GHR: variants seen among roughly 807,000 people sequenced by gnomAD.
The protein encoded by GHR is growth hormone receptor, also known as GH receptor.
Under a neutral mutation model 67.1 loss-of-function variants are expected in GHR, and 35 were observed. The ratio of observed to expected loss-of-function variants is 0.52; its 90% CI spans 0.40 to 0.69. The LOEUF (loss-of-function observed/expected upper bound fraction) is 0.69, where lower values mean the gene tolerates loss of function less well. Ranked by LOEUF, GHR falls within the 30% of genes least tolerant of loss-of-function variation. The probability of loss-of-function intolerance (pLI) is 0.00; values close to 1 mark genes in which losing one functional copy is unlikely to be tolerated. For synonymous variants in GHR, 272 were observed against 269.1 expected (o/e 1.01, Z -0.10); for missense variants, 792 against 764.6 (o/e 1.04, Z -0.42).
chr5:42,516,318 A>G (rs537053977), intron 1 of GHR, among the ~76,000 whole-genome samples: 3 of 152,334 alleles, frequency 2.0e-5, no homozygotes, highest in East Asian at 3.9e-4. Context: ...CTACTTGCCT[A>G]CTTAAACCAC....
chr5:42,445,115 G>C (rs1018990883), intron 1 of GHR, among the ~76,000 whole-genome samples: 17 of 152,208 alleles, frequency 1.1e-4, no homozygotes, highest in African/African-American at 4.1e-4. Context: ...TCATCGAAGA[G>C]CTATACATTG....
intron 3 of GHR, chr5:42,646,408 C>G: frequency 2.2e-6 from 1 of 450,314 alleles, no homozygotes; most frequent in Non-Finnish European, 4.5e-6. Context: ...GGCATGAAAA[C>G]TAATACGGGT....
intron 7 of GHR, among the ~76,000 whole-genome samples, chr5:42,711,912 C>G (rs1421335488): frequency 6.6e-6 from 1 of 151,984 alleles, no homozygotes; most frequent in Non-Finnish European, 1.5e-5. Context: ...GGCAGTCATA[C>G]TTAAAGGAGA....
intron 3 of GHR, among the ~76,000 whole-genome samples, chr5:42,632,926 A>T (rs926495795): frequency 2.0e-5 from 3 of 152,216 alleles, no homozygotes; most frequent in Non-Finnish European, 4.4e-5. Flanking sequence ...TCTCCTAGAG[A>T]AAAGCAAAAC....
chr5:42,673,893 C>T (rs1183941106), intron 3 of GHR, among the ~76,000 whole-genome samples: 1 of 152,104 alleles, frequency 6.6e-6, no homozygotes, highest in Non-Finnish European at 1.5e-5. Flanking sequence ...AGGTAACAAA[C>T]CTGCACATTT....
chr5:42,448,562 T>G (rs1743913189), intron 1 of GHR, among the ~76,000 whole-genome samples: 1 of 135,660 alleles, frequency 7.4e-6, no homozygotes, highest in Admixed American at 7.8e-5. Flanking sequence ...AATCGGTGGG[T>G]TATCTGTTTA....
chr5:42,585,536 A>G (rs1751430765), intron 2 of GHR, among the ~76,000 whole-genome samples: 1 of 152,276 alleles, frequency 6.6e-6, no homozygotes, highest in African/African-American at 2.4e-5. Flanking sequence ...TTCTTTCTGC[A>G]GCTAAGCACT....
Position 42,474,329 on chromosome 5 carries a change from G to GAAAGAAAGAAAAGAAAT in GHR, c.-12+50386_-12+50402dup, listed in dbSNP as rs1561325676. 2.3e-4 allele frequency among the ~76,000 whole-genome samples: 34 copies of GAAAGAAAGAAAAGAAAT among 146,500 alleles called. 2 individuals are homozygous for GAAAGAAAGAAAAGAAAT. Among genetic ancestry groups the GAAAGAAAGAAAAGAAAT allele is most frequent in the African/African-American group, 9.0e-4 (34 of 37,606 alleles). On this transcript the variant is annotated intron_variant, in intron 1 of 9. Coordinates refer to ENST00000230882, the MANE Select transcript of GHR (RefSeq NM_000163.5). ...AGAAAGAAAGAAAGAAAGAAAGAAA[G>GAAAGAAAGAAAAGAAAT]AAAGAAAGAAAAGAAATAAAGAAAG...
intron 2 of GHR, among the ~76,000 whole-genome samples, chr5:42,592,565 C>T (rs1334644886): frequency 1.3e-5 from 2 of 152,216 alleles, no homozygotes; most frequent in African/African-American, 4.8e-5. Flanking sequence ...TGGCTTCCAG[C>T]ACTATCCATG....
At chr5:42,495,739 A>G (rs1395461619) in intron 1 of GHR, among the ~76,000 whole-genome samples, 1 of 152,152 alleles carries the variant, frequency 6.6e-6, no homozygotes, top group Admixed American at 6.6e-5. Flanking sequence ...GAAGAACTGC[A>G]TAGTTTGCAG....
At chr5:42,517,832 C>A (rs62370647) in intron 1 of GHR, among the ~76,000 whole-genome samples, 243 of 151,454 alleles carry the variant, frequency 1.6e-3, no homozygotes, top group Admixed American at 2.5e-3. Flanking sequence ...TGGGTGTTGT[C>A]TTGTATTACA....
intron 1 of GHR, among the ~76,000 whole-genome samples, chr5:42,552,760 G>A (rs1038325263): frequency 4.6e-5 from 7 of 152,130 alleles, no homozygotes; most frequent in African/African-American, 1.7e-4. Context: ...TGACAACTGT[G>A]GAGTTGGAAT....
chr5:42,719,241 G>A lies in GHR; in HGVS notation c.1734G>A (p.Arg578=). 1 of 1,613,994 alleles carries A rather than the reference G, an allele frequency of 6.2e-7. No homozygotes were observed. The highest frequency in any genetic ancestry group is 8.5e-7 in the Non-Finnish European group (1 of 1,179,908). Residue 578 remains arginine, a synonymous_variant, in exon 10 of 10, where the codon AGG becomes AGA. Coordinates refer to ENST00000230882, the MANE Select transcript of GHR (RefSeq NM_000163.5). ...AAAGCCTTACCACTGCTGCTGGGAG[G>A]CCTGGGACAGGAGAACATGTTCCAG... ...TTESLTTAAG[R]PGTGEHVPGS... is the part of the protein sequence containing the mutation.
At chr5:42,483,765 G>T (rs1390404632) in intron 1 of GHR, among the ~76,000 whole-genome samples, 2 of 152,160 alleles carry the variant, frequency 1.3e-5, no homozygotes, top group African/African-American at 4.8e-5. Flanking sequence ...AAGATAGGTT[G>T]CCAGAGAAAG....
chr5:42,622,175 T>C (rs970626920), intron 2 of GHR, among the ~76,000 whole-genome samples: 1 of 152,264 alleles, frequency 6.6e-6, no homozygotes, highest in East Asian at 1.9e-4. Context: ...GCTAAGGACA[T>C]CACACGTCTC....
intron 1 of GHR, among the ~76,000 whole-genome samples, chr5:42,539,818 A>G (rs538310863): frequency 6.6e-6 from 1 of 152,296 alleles, no homozygotes; most frequent in South Asian, 2.1e-4. Context: ...AAGATAAAAT[A>G]TTGTGTAAAT....
At chr5:42,670,748 G>A (rs1394553807) in intron 3 of GHR, among the ~76,000 whole-genome samples, 2 of 151,804 alleles carry the variant, frequency 1.3e-5, no homozygotes, top group Non-Finnish European at 2.9e-5. Flanking sequence ...TGACGAGTTA[G>A]TGGGTGCAGT....
In GHR at chr5:42,718,473, G is replaced by T. The variant is rs1376134544; in HGVS notation, c.966G>T (p.Val322=). Residue 322 remains valine (V), a synonymous_variant, in exon 10 of 10, where the codon GTG becomes GTT. Transcript: ENST00000230882. ...TCTAGGAAGGAAAATTAGAGGAGGT[G>T]AACACAATCTTAGCCATTCATGATA... ...DLLKEGKLEE[V]NTILAIHDSY... 6.2e-7 allele frequency: 1 copy of T among 1,610,718 alleles called. No homozygotes were observed. Among genetic ancestry groups the T allele is most frequent in the Admixed American group, 1.7e-5 (1 of 60,012 alleles).
chr5:42,474,285 A>AAGAAAGAAAGAAAG (rs1257674662), intron 1 of GHR, among the ~76,000 whole-genome samples: 1 of 28,100 alleles, frequency 3.6e-5, no homozygotes, highest in African/African-American at 1.2e-4. Flanking sequence ...GAAAGAAAGA[A>AAGAAAGAAAGAAAG]AAAGAGAAAG....
Sources: gnomAD v4.1 joint callset for allele counts (sites outside exome capture counted in the v4.1 genomes callset) on GRCh38, gnomAD v4.1.1 for gene constraint, MANE v1.5 for transcripts, NCBI Gene and HGNC (gene_info 2026-07-23, HGNC 2026-07-21) for gene names.